The following EXOC5 variants were observed in gnomAD, a reference collection of about 807,000 sequenced individuals.
The protein encoded by EXOC5 is SEC10-like 1.
Under a neutral mutation model 90.8 loss-of-function variants are expected in EXOC5, and 17 were observed. That is an observed-to-expected ratio of 0.19 (90% CI 0.13 to 0.28). The LOEUF (loss-of-function observed/expected upper bound fraction) is 0.28. Among genes scored for constraint, EXOC5 ranks in the 10% least tolerant of loss-of-function variants. EXOC5 has a pLI of 1.00. For synonymous variants in EXOC5, 260 were observed against 270.0 expected (o/e 0.96, Z 0.36); for missense variants, 569 against 830.6 (o/e 0.69, Z 3.87).
intron 6 of EXOC5, among the ~76,000 whole-genome samples, chr14:57,237,049 T>G (rs1252454383): frequency 6.6e-6 from 1 of 152,000 alleles, no homozygotes; most frequent in East Asian, 1.9e-4. Context: ...TAAATGAGGA[T>G]AGAAGTACAT....
chr14:57,265,907 A>C (rs1884656819), intron 1 of EXOC5, among the ~76,000 whole-genome samples: 2 of 152,232 alleles, frequency 1.3e-5, no homozygotes. Flanking sequence ...TATTCTGAGA[A>C]ACTTCCAGGA....
chr14:57,225,536 G>A (rs1461501026), intron 12 of EXOC5, among the ~76,000 whole-genome samples: 5 of 149,978 alleles, frequency 3.3e-5, no homozygotes, highest in African/African-American at 1.2e-4. Flanking sequence ...AAGTAAAACT[G>A]TATTTATGGG....
At chr14:57,225,307 G>T (rs915898789) in intron 12 of EXOC5, among the ~76,000 whole-genome samples, 2 of 151,982 alleles carry the variant, frequency 1.3e-5, no homozygotes, top group Non-Finnish European at 2.9e-5. Flanking sequence ...AAACCACTCA[G>T]CTAAGTAGGA....
intron 15 of EXOC5, among the ~76,000 whole-genome samples, chr14:57,217,459 A>G (rs1883007588): frequency 6.6e-6 from 1 of 152,080 alleles, no homozygotes; most frequent in Non-Finnish European, 1.5e-5. Context: ...TTACTGCTAA[A>G]TCTGTTATGG....
intron 1 of EXOC5, among the ~76,000 whole-genome samples, chr14:57,260,979 TGAAA>T (rs1212898388): frequency 6.6e-6 from 1 of 152,172 alleles, no homozygotes; most frequent in Non-Finnish European, 1.5e-5. Context: ...ATTAAACAAG[TGAAA>T]GAATCATTTG....
chr14:57,253,858 C>CA (rs1884264934), intron 1 of EXOC5, among the ~76,000 whole-genome samples: 1 of 152,134 alleles, frequency 6.6e-6, no homozygotes, highest in South Asian at 2.1e-4. Flanking sequence ...AAAAATGTCT[C>CA]AAAGACTTAC....
At chr14:57,251,296 A>T (rs1027205509) in intron 1 of EXOC5, among the ~76,000 whole-genome samples, 1 of 152,160 alleles carries the variant, frequency 6.6e-6, no homozygotes, top group African/African-American at 2.4e-5. Context: ...TGTCCTCCAA[A>T]TATCTGAGAT....
At chr14:57,231,409 AAATTCT>A (rs2139634862) in intron 11 of EXOC5, 91 bp downstream of exon 11, 1 of 772,862 alleles carries the variant, frequency 1.3e-6, no homozygotes, top group Admixed American at 3.0e-5. Context: ...TCTTCACAGA[AAATTCT>A]AATGATAGTC....
intron 1 of EXOC5, among the ~76,000 whole-genome samples, chr14:57,267,609 T>A (rs1292831324): frequency 6.6e-6 from 1 of 152,316 alleles, no homozygotes; most frequent in East Asian, 1.9e-4. Flanking sequence ...AAGGGGTCTT[T>A]CTTTCCTTTT....
At chr14:57,225,230 T>C (rs1883269601) in intron 12 of EXOC5, among the ~76,000 whole-genome samples, 1 of 152,136 alleles carries the variant, frequency 6.6e-6, no homozygotes, top group Non-Finnish European at 1.5e-5. Flanking sequence ...TGAAAATCAA[T>C]CACTATAATT....
chr14:57,202,641 A>G lies in EXOC5; in HGVS notation c.*5968T>C, dbSNP rs988788592. 6.6e-6 allele frequency: 1 copy of G among 152,236 alleles called. No homozygotes were observed. The highest frequency in any genetic ancestry group is 2.4e-5 in the African/African-American group (1 of 41,470). The allele number at this position is 152,236 out of a possible 1,614,324, so 9.4% of individuals were successfully genotyped here. On this transcript the variant is annotated 3_prime_UTR_variant, in exon 18 of 18. Transcript: ENST00000621441. ...CAATGTGATATATAACTAAGAAAAC[A>G]TAATGTTAATCATGGTAAACTTTGT...
chr14:57,264,776 T>C (rs560366314), intron 1 of EXOC5, among the ~76,000 whole-genome samples: 95 of 152,334 alleles, frequency 6.2e-4, no homozygotes, highest in African/African-American at 2.1e-3. Flanking sequence ...CCTTTCTTTC[T>C]TCTAGAGGCA....
intron 12 of EXOC5, among the ~76,000 whole-genome samples, chr14:57,229,098 C>A (rs1302261151): frequency 6.6e-6 from 1 of 152,114 alleles, no homozygotes. Flanking sequence ...TTCCCTGATG[C>A]ACCATTTCTT....
At chr14:57,263,864 A>C (rs1264587489) in intron 1 of EXOC5, among the ~76,000 whole-genome samples, 1 of 151,938 alleles carries the variant, frequency 6.6e-6, no homozygotes, top group Non-Finnish European at 1.5e-5. Flanking sequence ...ACTCTTCTCA[A>C]CTGCCTCACC....
At position 57,268,828 on chromosome 14, in the gene EXOC5, G is replaced by A; in HGVS notation, c.-180C>T. On this transcript the variant is annotated 5_prime_UTR_variant, in exon 1 of 18. Coordinates refer to ENST00000621441, the MANE Select transcript of EXOC5 (RefSeq NM_006544.4). ...GGGAGAGCGGCCATGAAGCGAAGCC[G>A]CAAACGCTTGTCAGCTGCCTCCCGG... The A allele has an allele frequency of 3.7e-6, 5 of 1,358,070 alleles. No individual in the cohort carries two copies. The highest frequency in any genetic ancestry group is 4.7e-6 in the Non-Finnish European group (5 of 1,053,316). 84.1% of individuals were successfully genotyped at this position (1,358,070 alleles called of 1,614,324 possible).
At chr14:57,268,338 CT>C in intron 1 of EXOC5, 1 of 737,306 alleles carries the variant, frequency 1.4e-6, no homozygotes, top group East Asian at 3.1e-5. Flanking sequence ...ACCTTCCAGA[CT>C]TTCCCTCTTG....
At chr14:57,224,862 G>C (rs1883257407) in intron 12 of EXOC5, among the ~76,000 whole-genome samples, 1 of 152,142 alleles carries the variant, frequency 6.6e-6, no homozygotes. Flanking sequence ...AGAGGTTCAA[G>C]ACCACCCTGG....
intron 12 of EXOC5, among the ~76,000 whole-genome samples, chr14:57,228,274 C>G (rs897100692): frequency 2.0e-5 from 3 of 152,078 alleles, no homozygotes; most frequent in Non-Finnish European, 2.9e-5. Context: ...ACTAGTACAA[C>G]CATTGTGGAA....
intron 10 of EXOC5, 77 bp from the exon 11 acceptor site, chr14:57,231,792 T>TA: frequency 1.0e-6 from 1 of 981,182 alleles, no homozygotes; most frequent in Non-Finnish European, 1.5e-6. Context: ...TACAAATTTT[T>TA]ACAACGTGAC....
Sources: gnomAD v4.1 joint callset for allele counts (sites outside exome capture counted in the v4.1 genomes callset) on GRCh38, gnomAD v4.1.1 for gene constraint, MANE v1.5 for transcripts, NCBI Gene and HGNC (gene_info 2026-07-23, HGNC 2026-07-21) for gene names.